The following HTRA1 variants were observed in gnomAD, a reference collection of about 807,000 sequenced individuals.
The protein encoded by HTRA1 is HtrA serine peptidase 1, also known as serine protease HTRA1.
In HTRA1, 26 loss-of-function variants were observed where a neutral mutation model predicts 49.7. The ratio of observed to expected loss-of-function variants is 0.52; its 90% confidence interval spans 0.38 to 0.73. HTRA1 has a LOEUF of 0.73. HTRA1 is among the 30% of genes least tolerant of loss of function. The probability of loss-of-function intolerance (pLI) is 0.00; values close to 1 mark genes in which losing one functional copy is unlikely to be tolerated. For missense variants in HTRA1, 561 were observed against 667.2 expected (o/e 0.84, Z 1.75); for synonymous variants, 291 against 286.9 (o/e 1.01, Z -0.14).
rs1333169294 is a variant in HTRA1 at position 122,496,225 on chromosome 10, GTTC to G, written c.777+6602_777+6604del. Among the ~76,000 whole-genome samples, 240 of 80,372 alleles carry G rather than the reference GTTC, an allele frequency of 3.0e-3. 55 individuals carry two copies. Among genetic ancestry groups the G allele is most frequent in the East Asian group, 7.0e-3 (18 of 2,560 alleles). The allele number at this position is 80,372 out of a possible 152,430, so 52.7% of individuals were successfully genotyped here. ...CCCTTTCGTTTGCCAGAGATTGTGG[GTTC>G]TTTTTTTTTTTTTTTTTTTTTTTTT... is the stretch of plus-strand genomic sequence containing the variant. On this transcript the variant is annotated intron_variant, in intron 3 of 8. Coordinates refer to ENST00000368984, the MANE Select transcript of HTRA1 (RefSeq NM_002775.5).
intron 1 of HTRA1, among the ~76,000 whole-genome samples, chr10:122,476,964 CTT>C (rs36120668): frequency 0.011 from 1,135 of 103,996 alleles, 9 homozygotes; most frequent in African/African-American, 0.032. Flanking sequence ...TTTATAGTTA[CTT>C]TTTTTTTTTT....
intron 7 of HTRA1, 38 bp from the exon 8 acceptor site, chr10:122,511,932 T>C (rs1211721536): frequency 6.6e-7 from 1 of 1,519,178 alleles, no homozygotes. Context: ...GGCCTGGTGT[T>C]TCTTCACACT....
chr10:122,501,203 G>C (rs934538685), intron 3 of HTRA1, among the ~76,000 whole-genome samples: 1 of 152,130 alleles, frequency 6.6e-6, no homozygotes, highest in African/African-American at 2.4e-5. Context: ...GGCAGAGCGG[G>C]AGAAGCTCTG....
At chr10:122,503,281 A>G (rs1369015594) in intron 3 of HTRA1, among the ~76,000 whole-genome samples, 4 of 152,236 alleles carry the variant, frequency 2.6e-5, no homozygotes, top group Non-Finnish European at 5.9e-5. Context: ...CTAGACAGCT[A>G]TGGAATTAAA....
At chr10:122,503,243 C>T (rs1267096788) in intron 3 of HTRA1, among the ~76,000 whole-genome samples, 2 of 152,248 alleles carry the variant, frequency 1.3e-5, no homozygotes, top group African/African-American at 4.8e-5. Flanking sequence ...TGCTGCATCT[C>T]TTCCACATTC....
At chr10:122,504,865 G>T (rs1170504666) in intron 3 of HTRA1, among the ~76,000 whole-genome samples, 4 of 152,234 alleles carry the variant, frequency 2.6e-5, no homozygotes, top group African/African-American at 7.2e-5. Context: ...GATGCGGCAG[G>T]CCTGCACCTC....
At chr10:122,505,762 C>T (rs1263908885) in intron 3 of HTRA1, among the ~76,000 whole-genome samples, 1 of 152,214 alleles carries the variant, frequency 6.6e-6, no homozygotes, top group Non-Finnish European at 1.5e-5. Context: ...TTCAGGGCAG[C>T]TGCTCGTTCT....
At chr10:122,477,176 C>T (rs1034643493) in intron 1 of HTRA1, among the ~76,000 whole-genome samples, 3 of 151,922 alleles carry the variant, frequency 2.0e-5, no homozygotes, top group East Asian at 1.9e-4. Flanking sequence ...ACTGTGTTAG[C>T]CAGGACGGTC....
intron 8 of HTRA1, among the ~76,000 whole-genome samples, chr10:122,513,095 G>A (rs529074490): frequency 1.2e-4 from 18 of 152,152 alleles, no homozygotes; most frequent in Non-Finnish European, 2.1e-4. Context: ...CTTCAACAGA[G>A]ACCATATGTA....
intron 1 of HTRA1, among the ~76,000 whole-genome samples, chr10:122,465,260 A>G (rs935976028): frequency 1.3e-5 from 2 of 152,208 alleles, no homozygotes; most frequent in Non-Finnish European, 2.9e-5. Context: ...GAGAACAAAG[A>G]TCTGTCATCT....
At chr10:122,476,816 A>G (rs1350601460) in intron 1 of HTRA1, among the ~76,000 whole-genome samples, 1 of 152,050 alleles carries the variant, frequency 6.6e-6, no homozygotes, top group East Asian at 1.9e-4. Context: ...CCTCTCTGTG[A>G]AGGTGCTGAG....
At chr10:122,466,950 A>C (rs1022433805) in intron 1 of HTRA1, among the ~76,000 whole-genome samples, 1 of 139,068 alleles carries the variant, frequency 7.2e-6, no homozygotes, top group Non-Finnish European at 1.5e-5. Flanking sequence ...GGAAGTTAAC[A>C]AGCTCAAAAA....
chr10:122,463,027 A>G lies in HTRA1; in HGVS notation c.472+903A>G, dbSNP rs574809156. ...GAGGCCATGTGGAAAAATAATATCG[A>G]GTTCAGCAGCGGCCAGCCCCGCGTT... On this transcript the variant is annotated intron_variant, in intron 1 of 8. Transcript: ENST00000368984. 3.1e-4 allele frequency among the ~76,000 whole-genome samples: 47 copies of G among 152,354 alleles called. No individual in the cohort carries two copies. In the South Asian group the frequency reaches 9.7e-3, roughly 32 times the overall value.
intron 3 of HTRA1, among the ~76,000 whole-genome samples, chr10:122,492,061 A>G (rs2097496110): frequency 6.6e-6 from 1 of 152,180 alleles, no homozygotes; most frequent in African/African-American, 2.4e-5. Context: ...AAAGAGGATG[A>G]AAGAGATCAG....
chr10:122,496,225 G>GTTTTTTTTTTTTTTTTTTTTTTTTTTTTT lies in HTRA1; in HGVS notation c.777+6601_777+6602insTTTTTTTTTTTTTTTTTTTTTTTTTTTTT, dbSNP rs1287521208. Among the ~76,000 whole-genome samples the GTTTTTTTTTTTTTTTTTTTTTTTTTTTTT allele has an allele frequency of 3.6e-4, 29 of 80,382 alleles. 12 individuals carry two copies. The highest frequency in any genetic ancestry group is 4.4e-4 in the South Asian group (1 of 2,290). The allele number at this position is 80,382 out of a possible 152,430, so 52.7% of individuals were successfully genotyped here. A position where few individuals can be genotyped will look rare whatever the true frequency, so the allele number is the denominator to read the frequency against. On this transcript the variant is annotated intron_variant, in intron 3 of 8. Coordinates refer to ENST00000368984, the MANE Select transcript of HTRA1 (RefSeq NM_002775.5). ...CCCTTTCGTTTGCCAGAGATTGTGG[G>GTTTTTTTTTTTTTTTTTTTTTTTTTTTTT]TTCTTTTTTTTTTTTTTTTTTTTTT...
chr10:122,468,465 T>C (rs931497269), intron 1 of HTRA1, among the ~76,000 whole-genome samples: 2 of 146,044 alleles, frequency 1.4e-5, no homozygotes, highest in Non-Finnish European at 3.0e-5. Flanking sequence ...GACAAAGGAG[T>C]CAGCTGTGTG....
intron 3 of HTRA1, among the ~76,000 whole-genome samples, chr10:122,505,486 C>T (rs894197249): frequency 6.6e-6 from 1 of 152,168 alleles, no homozygotes; most frequent in Non-Finnish European, 1.5e-5. Flanking sequence ...AGGTTTCAAA[C>T]CCTGCTCTGT....
chr10:122,474,666 G>A (rs2097487647), intron 1 of HTRA1, among the ~76,000 whole-genome samples: 1 of 152,172 alleles, frequency 6.6e-6, no homozygotes, highest in Non-Finnish European at 1.5e-5. Flanking sequence ...CGCTTATCAA[G>A]AGCAAAGTTA....
intron 3 of HTRA1, among the ~76,000 whole-genome samples, chr10:122,500,785 T>A (rs2097500552): frequency 6.6e-6 from 1 of 152,132 alleles, no homozygotes; most frequent in Non-Finnish European, 1.5e-5. Flanking sequence ...CAGTTATGGT[T>A]CATCTGTGGT....
Sources: gnomAD v4.1 joint callset for allele counts (sites outside exome capture counted in the v4.1 genomes callset) on GRCh38, gnomAD v4.1.1 for gene constraint, MANE v1.5 for transcripts, NCBI Gene and HGNC (gene_info 2026-07-23, HGNC 2026-07-21) for gene names.